The following PRORP variants were observed in gnomAD, a reference collection of about 807,000 sequenced individuals.
PRORP encodes mitochondrial ribonuclease P catalytic subunit.
A neutral mutation model predicts 59.4 loss-of-function variants in PRORP; 51 were observed. The ratio of observed to expected loss-of-function variants is 0.86; its 90% CI spans 0.69 to 1.08. The LOEUF (loss-of-function observed/expected upper bound fraction) is 1.08, where lower values mean the gene tolerates loss of function less well. Among genes scored for constraint, PRORP ranks in the 50% least tolerant of loss-of-function variants. The pLI is 0.00. For synonymous variants in PRORP, 231 were observed against 245.6 expected (o/e 0.94, Z 0.55); for missense variants, 646 against 690.3 (o/e 0.94, Z 0.72).
In PRORP at chr14:35,223,003, G is replaced by A. The variant is rs2138451686; in HGVS notation, c.1275+42226G>A. ...AGAATTACCTATCCTACCTCTGAAT[G>A]CTTGAAATTTACTCTCTTAGGGTCA... On this transcript the variant is annotated intron_variant, in intron 5 of 7. Transcript: ENST00000534898. 2.6e-5 allele frequency among the ~76,000 whole-genome samples: 4 copies of A among 152,306 alleles called. 1 individual carries two copies. In the Middle Eastern group the frequency reaches 0.014, roughly 518 times the overall value.
At chr14:35,266,378 A>C (rs1019845025) in intron 5 of PRORP, among the ~76,000 whole-genome samples, 2 of 151,266 alleles carry the variant, frequency 1.3e-5, no homozygotes, top group South Asian at 2.1e-4. Flanking sequence ...ACTACTCAGG[A>C]GGCTGAAGTG....
intron 5 of PRORP, among the ~76,000 whole-genome samples, chr14:35,199,548 G>GT (rs1257039872): frequency 6.6e-6 from 1 of 152,030 alleles, no homozygotes; most frequent in East Asian, 1.9e-4. Context: ...TTGTCCTTCT[G>GT]TTCCTTTTGC....
intron 2 of PRORP, 93 bp from the exon 3 acceptor site, chr14:35,126,642 T>G: frequency 3.1e-6 from 3 of 961,542 alleles, no homozygotes; most frequent in Non-Finnish European, 3.2e-6. Flanking sequence ...TTTTCGGACT[T>G]CTTGCTTATA....
intron 5 of PRORP, among the ~76,000 whole-genome samples, chr14:35,257,555 T>C (rs1214646325): frequency 6.6e-6 from 1 of 152,260 alleles, no homozygotes; most frequent in African/African-American, 2.4e-5. Flanking sequence ...AATAATAATC[T>C]ATTATATGTA....
chr14:35,256,572 C>T (rs752424958), intron 5 of PRORP, among the ~76,000 whole-genome samples: 4 of 151,872 alleles, frequency 2.6e-5, no homozygotes, highest in Non-Finnish European at 2.9e-5. Context: ...CCTCGTGATC[C>T]GCCCACCTTG....
intron 4 of PRORP, among the ~76,000 whole-genome samples, chr14:35,153,678 A>T (rs1338553259): frequency 6.6e-6 from 1 of 152,224 alleles, no homozygotes; most frequent in Non-Finnish European, 1.5e-5. Context: ...TTCTGACAAC[A>T]GTTTCCATCT....
intron 5 of PRORP, among the ~76,000 whole-genome samples, chr14:35,190,003 G>A (rs187122051): frequency 3.9e-5 from 6 of 152,008 alleles, no homozygotes; most frequent in African/African-American, 7.2e-5. Context: ...CAGCTACTCG[G>A]GAGGCTGAGG....
At chr14:35,150,120 A>G (rs752745800) in intron 4 of PRORP, among the ~76,000 whole-genome samples, 4 of 152,232 alleles carry the variant, frequency 2.6e-5, no homozygotes, top group Non-Finnish European at 4.4e-5. Flanking sequence ...TGTTGGGATT[A>G]CAGGCGTGAG....
intron 5 of PRORP, among the ~76,000 whole-genome samples, chr14:35,230,677 G>T (rs1262009122): frequency 6.6e-6 from 1 of 152,168 alleles, no homozygotes; most frequent in Admixed American, 6.5e-5. Flanking sequence ...TCTTGTGAAA[G>T]AGGTATGTGG....
At chr14:35,209,382 T>TA in intron 5 of PRORP, among the ~76,000 whole-genome samples, 1 of 152,188 alleles carries the variant, frequency 6.6e-6, no homozygotes, top group Admixed American at 6.5e-5. Flanking sequence ...ATAGTCTGTC[T>TA]ATACTGACTT....
chr14:35,267,780 CA>C (rs964960196), intron 6 of PRORP, among the ~76,000 whole-genome samples: 12 of 143,336 alleles, frequency 8.4e-5, no homozygotes, highest in Admixed American at 7.0e-5. Context: ...GGCTCCATCT[CA>C]AAAAAAAAAG....
At chr14:35,138,581 T>TA (rs1337219514) in intron 4 of PRORP, among the ~76,000 whole-genome samples, 3 of 144,924 alleles carry the variant, frequency 2.1e-5, no homozygotes, top group Non-Finnish European at 4.6e-5. Flanking sequence ...TAAATCTACT[T>TA]AAAAAAATTT....
chr14:35,180,348 T>C (rs983360621), intron 4 of PRORP, among the ~76,000 whole-genome samples: 1 of 152,208 alleles, frequency 6.6e-6, no homozygotes, highest in African/African-American at 2.4e-5. Flanking sequence ...TTCATTCTTA[T>C]CATAACTATC....
At chr14:35,218,972 TA>T (rs2049695780) in intron 5 of PRORP, 1 of 152,192 alleles carries the variant, frequency 6.6e-6, no homozygotes. Context: ...CAAGAGCGAA[TA>T]AAGACAGGCA....
intron 5 of PRORP, among the ~76,000 whole-genome samples, chr14:35,236,045 G>A (rs1326540957): frequency 7.0e-6 from 1 of 142,814 alleles, no homozygotes; most frequent in Non-Finnish European, 1.5e-5. Context: ...GCATTGAGCC[G>A]AGATTGTGCC....
intron 5 of PRORP, among the ~76,000 whole-genome samples, chr14:35,256,133 A>C (rs1196994627): frequency 6.6e-6 from 1 of 150,444 alleles, no homozygotes; most frequent in Non-Finnish European, 1.5e-5. Context: ...AAAATACAAA[A>C]ATTAGTTGGG....
At chr14:35,259,769 C>T (rs541189085) in intron 5 of PRORP, among the ~76,000 whole-genome samples, 1 of 152,152 alleles carries the variant, frequency 6.6e-6, no homozygotes, top group East Asian at 1.9e-4. Flanking sequence ...GTGCCGTGCA[C>T]CTGTAATCCA....
At chr14:35,152,507 C>G (rs931949008) in intron 4 of PRORP, among the ~76,000 whole-genome samples, 13 of 152,006 alleles carry the variant, frequency 8.6e-5, no homozygotes, top group African/African-American at 3.1e-4. Flanking sequence ...GAAGGGGCGG[C>G]CAGGCAGAGG....
intron 5 of PRORP, among the ~76,000 whole-genome samples, chr14:35,192,982 A>G (rs1403524748): frequency 1.5e-4 from 5 of 32,838 alleles, no homozygotes; most frequent in African/African-American, 1.9e-4. Context: ...GACAGAGTAG[A>G]AAAAAAAAAA....
Sources: allele counts gnomAD v4.1 joint callset (sites outside exome capture counted in the v4.1 genomes callset), GRCh38; gene constraint gnomAD v4.1.1; transcripts MANE v1.5; gene names NCBI Gene and HGNC (gene_info 2026-07-23, HGNC 2026-07-21).